The following DSCAM variants were observed in gnomAD, a reference collection of about 807,000 sequenced individuals.
DSCAM encodes cell adhesion molecule DSCAM.
A neutral mutation model predicts 217.7 loss-of-function variants in DSCAM; 47 were observed. The ratio of observed to expected loss-of-function variants is 0.22; its 90% CI spans 0.17 to 0.28. The LOEUF is 0.28. Among genes scored for constraint, DSCAM ranks in the 10% least tolerant of loss-of-function variants. DSCAM has a pLI of 1.00. For synonymous variants in DSCAM, 1,056 were observed against 1,015.3 expected (o/e 1.04, Z -0.76); for missense variants, 2,080 against 2,618.3 (o/e 0.79, Z 4.49).
chr21:40,345,749 G>A (rs565609546), intron 6 of DSCAM, among the ~76,000 whole-genome samples: 5 of 152,154 alleles, frequency 3.3e-5, no homozygotes, highest in African/African-American at 9.6e-5. Context: ...CTCTTTTAAA[G>A]CAGGTACTAG....
chr21:40,188,747 C>G (rs142340699), intron 12 of DSCAM, among the ~76,000 whole-genome samples: 2 of 151,746 alleles, frequency 1.3e-5, no homozygotes, highest in East Asian at 3.9e-4. Flanking sequence ...GCCATCATTC[C>G]TGAAGGATTA....
chr21:40,171,752 T>TA (rs2090660653), intron 15 of DSCAM, among the ~76,000 whole-genome samples: 1 of 152,120 alleles, frequency 6.6e-6, no homozygotes, highest in African/African-American at 2.4e-5. Flanking sequence ...TTTTAAATTA[T>TA]AAAAAATTTC....
At chr21:40,759,843 T>C (rs2091313123) in intron 1 of DSCAM, among the ~76,000 whole-genome samples, 1 of 152,086 alleles carries the variant, frequency 6.6e-6, no homozygotes, top group African/African-American at 2.4e-5. Flanking sequence ...TCTCCATCAC[T>C]GTCCCAGATG....
chr21:40,066,513 A>G (rs1443792006), intron 27 of DSCAM, among the ~76,000 whole-genome samples: 1 of 152,166 alleles, frequency 6.6e-6, no homozygotes, highest in Non-Finnish European at 1.5e-5. Context: ...TTATTTCTCT[A>G]TAAAATGAGG....
At chr21:40,112,863 C>G (rs1382852033) in intron 20 of DSCAM, among the ~76,000 whole-genome samples, 3 of 151,952 alleles carry the variant, frequency 2.0e-5, no homozygotes, top group Non-Finnish European at 4.4e-5. Flanking sequence ...AAGACTAAAC[C>G]AGAAAGAAGT....
At chr21:40,760,390 T>C (rs2091321137) in intron 1 of DSCAM, among the ~76,000 whole-genome samples, 1 of 152,142 alleles carries the variant, frequency 6.6e-6, no homozygotes, top group Non-Finnish European at 1.5e-5. Context: ...TCCTGTTTTT[T>C]ACATCATGAA....
In DSCAM at chr21:40,439,353, A is replaced by C. The variant is rs184160577; in HGVS notation, c.509-70108T>G. ...TTATTCCAGTGCAGATCAGGCCTGG[A>C]TCCCACTGTTCAGTTATTAATACAG... On this transcript the variant is annotated intron_variant, in intron 3 of 32. Coordinates refer to ENST00000400454, the MANE Select transcript of DSCAM (RefSeq NM_001389.5). Among the ~76,000 whole-genome samples, 64 of 152,346 alleles carry C rather than the reference A, an allele frequency of 4.2e-4. No individual in the cohort carries two copies. In the East Asian group the frequency reaches 0.01, roughly 24 times the overall value.
At chr21:40,519,693 A>G (rs1241185265) in intron 3 of DSCAM, among the ~76,000 whole-genome samples, 1 of 152,180 alleles carries the variant, frequency 6.6e-6, no homozygotes, top group Non-Finnish European at 1.5e-5. Context: ...TAAGACACCC[A>G]GAGGAGAAAT....
chr21:40,438,856 A>G (rs1228385836), intron 3 of DSCAM, among the ~76,000 whole-genome samples: 1 of 152,188 alleles, frequency 6.6e-6, no homozygotes, highest in Non-Finnish European at 1.5e-5. Flanking sequence ...TACACACTCT[A>G]GGGGATGCCA....
At position 40,645,660 on chromosome 21, in the gene DSCAM, C is replaced by T. The variant is rs118021939; in HGVS notation, c.508+47150G>A. ...ATGTTTTATGTTAGAAATGCACAATCCAATTCTCTATCTGAGGTAAATACT... is the reference window on the plus strand; with the variant it reads ...ATGTTTTATGTTAGAAATGCACAATTCAATTCTCTATCTGAGGTAAATACT... On this transcript the variant is annotated intron_variant, in intron 3 of 32. Transcript: ENST00000400454. Among the ~76,000 whole-genome samples the T allele has an allele frequency of 3.9e-3, 586 of 152,202 alleles. 3 individuals are homozygous for T. The highest frequency in any genetic ancestry group is 0.01 in the Middle Eastern group (3 of 294).
At chr21:40,196,137 C>T (rs747626736) in intron 11 of DSCAM, among the ~76,000 whole-genome samples, 12 of 152,192 alleles carry the variant, frequency 7.9e-5, no homozygotes, top group Non-Finnish European at 1.3e-4. Flanking sequence ...GGTAAAGGAA[C>T]TGCCGCACCC....
chr21:40,636,172 G>C (rs191963508), intron 3 of DSCAM, among the ~76,000 whole-genome samples: 1 of 152,064 alleles, frequency 6.6e-6, no homozygotes, highest in Non-Finnish European at 1.5e-5. Flanking sequence ...CCCAGCACTC[G>C]CTATCTCTGC....
intron 1 of DSCAM, among the ~76,000 whole-genome samples, chr21:40,843,817 A>G (rs999729061): frequency 7.0e-6 from 1 of 143,444 alleles, no homozygotes; most frequent in Non-Finnish European, 1.5e-5. Context: ...TTTCAAAAAT[A>G]CTGCCTGCAG....
At chr21:40,362,233 A>G (rs187856429) in intron 4 of DSCAM, among the ~76,000 whole-genome samples, 119 of 152,298 alleles carry the variant, frequency 7.8e-4, no homozygotes, top group African/African-American at 2.8e-3. Context: ...CAATAAACAT[A>G]CGTGTGCATG....
intron 10 of DSCAM, among the ~76,000 whole-genome samples, chr21:40,295,671 G>A (rs1231047898): frequency 1.3e-5 from 2 of 152,202 alleles, no homozygotes; most frequent in Non-Finnish European, 2.9e-5. Flanking sequence ...TGGGGAAATA[G>A]TTTTCCAGCT....
intron 20 of DSCAM, 74 bp from the exon 21 acceptor site, chr21:40,093,948 C>A: frequency 1.4e-6 from 2 of 1,473,870 alleles, no homozygotes; most frequent in South Asian, 2.5e-5. Context: ...AAGGAATGGT[C>A]ATGAACATAT....
intron 13 of DSCAM, among the ~76,000 whole-genome samples, 195 bp downstream of exon 13, chr21:40,187,696 T>C (rs1253076144): frequency 6.6e-6 from 1 of 152,174 alleles, no homozygotes; most frequent in Non-Finnish European, 1.5e-5. Flanking sequence ...CGTTCCCTGT[T>C]TGGGGGCTTT....
intron 32 of DSCAM, among the ~76,000 whole-genome samples, chr21:40,040,200 A>G (rs909532907): frequency 6.6e-6 from 1 of 152,232 alleles, no homozygotes; most frequent in African/African-American, 2.4e-5. Flanking sequence ...TTGAACTTGC[A>G]TTGATTTAAG....
At chr21:40,551,696 T>C (rs1239556177) in intron 3 of DSCAM, among the ~76,000 whole-genome samples, 2 of 152,232 alleles carry the variant, frequency 1.3e-5, no homozygotes, top group Non-Finnish European at 2.9e-5. Context: ...GATTTCCTTC[T>C]TTATCTGTTA....
Sources: allele counts gnomAD v4.1 joint callset (sites outside exome capture counted in the v4.1 genomes callset), GRCh38; gene constraint gnomAD v4.1.1; transcripts MANE v1.5; gene names NCBI Gene and HGNC (gene_info 2026-07-23, HGNC 2026-07-21).